The following COMMD7 variants were observed in gnomAD, a reference collection of about 807,000 sequenced individuals.
COMMD7 encodes COMM domain-containing protein 7.
COMMD7 carries 28 observed loss-of-function variants against 34.8 expected under a neutral mutation model. The ratio of observed to expected loss-of-function variants is 0.80; its 90% CI spans 0.60 to 1.10. COMMD7 has a LOEUF of 1.10. Ranked by LOEUF, COMMD7 falls within the 50% of genes least tolerant of loss-of-function variation. The pLI, the probability that COMMD7 is intolerant of heterozygous loss-of-function variation, is 0.00. For synonymous variants in COMMD7, 80 were observed against 86.4 expected, an observed-to-expected ratio of 0.93 and a Z score of 0.41; for missense variants, 211 against 241.6, an observed-to-expected ratio of 0.87 and a Z score of 0.84.
chr20:32,730,718 C>T (rs546228179), intron 1 of COMMD7, among the ~76,000 whole-genome samples: 3 of 152,032 alleles, frequency 2.0e-5, no homozygotes, highest in Admixed American at 6.6e-5. Context: ...CCAGTCCCCA[C>T]GAGGAAAACA....
chr20:32,704,556 C>T (rs1983948983), intron 6 of COMMD7, 67 bp from the exon 7 acceptor site: 2 of 1,524,398 alleles, frequency 1.3e-6, no homozygotes, highest in South Asian at 1.2e-5. Flanking sequence ...GAGGACTGAC[C>T]CTGAAGACCC....
chr20:32,706,609 C>A lies in COMMD7; in HGVS notation c.310G>T (p.Glu104Ter). ...TTTTCAGAAAAGTAAGTGGCTTTCT[C>A]CTCACTAAGACCTATAAGAGAACAG... The part of the protein sequence containing the change: ...ADFITLGLSE[E>*]KATYFSEKWK... The change falls in exon 5 of 9, where the codon GAG (glutamate) becomes TAG (stop). Residue 104 changes from glutamate to a stop codon, truncating the protein, a stop_gained. Transcript: ENST00000278980. LOFTEE classifies it high-confidence loss of function. 6.2e-7 allele frequency: 1 copy of A among 1,611,696 alleles called. No individual in the cohort carries two copies. The highest frequency in any genetic ancestry group is 1.1e-5 in the South Asian group (1 of 91,006).
intron 3 of COMMD7, among the ~76,000 whole-genome samples, chr20:32,716,943 G>A (rs917043598): frequency 2.0e-5 from 3 of 151,504 alleles, no homozygotes; most frequent in East Asian, 1.9e-4. Context: ...CCCGCCTCCC[G>A]GGTTCAGCCT....
chr20:32,738,979 G>A (rs1337446270), intron 1 of COMMD7, among the ~76,000 whole-genome samples: 2 of 152,134 alleles, frequency 1.3e-5, no homozygotes, highest in Non-Finnish European at 2.9e-5. Context: ...CTTTAAACAG[G>A]TCAATTTATT....
chr20:32,712,608 C>A (rs1568776620), intron 3 of COMMD7, among the ~76,000 whole-genome samples: 2 of 84,170 alleles, frequency 2.4e-5, no homozygotes, highest in Admixed American at 1.1e-4. Flanking sequence ...GTACCCCAGA[C>A]CTTTAAAAAA....
intron 3 of COMMD7, among the ~76,000 whole-genome samples, chr20:32,720,191 C>G (rs928180493): frequency 1.3e-5 from 2 of 152,148 alleles, no homozygotes; most frequent in African/African-American, 4.8e-5. Context: ...TTCTCTGTAT[C>G]TATAGAAAAT....
chr20:32,728,656 T>A (rs1364942796), intron 1 of COMMD7, among the ~76,000 whole-genome samples: 1 of 150,396 alleles, frequency 6.6e-6, no homozygotes, highest in East Asian at 2.0e-4. Context: ...AACCTCTGCC[T>A]CCTGGGCTCA....
At chr20:32,743,252 G>GCCCC in intron 1 of COMMD7, 56 bp downstream of exon 1, 1 of 642,180 alleles carries the variant, frequency 1.6e-6, no homozygotes, top group Non-Finnish European at 2.5e-6. Context: ...CCCACCCCAG[G>GCCCC]CCCGGATCCT....
At chr20:32,713,996 G>A (rs543455804) in intron 3 of COMMD7, among the ~76,000 whole-genome samples, 15 of 151,926 alleles carry the variant, frequency 9.9e-5, no homozygotes, top group African/African-American at 3.4e-4. Context: ...GCCTGTAATC[G>A]CAGCTACTTG....
At position 32,728,071 on chromosome 20, in the gene COMMD7, A is replaced by T; in HGVS notation, c.138+18T>A. 6.2e-7 allele frequency: 1 copy of T among 1,613,738 alleles called. No homozygotes were observed. The highest frequency in any genetic ancestry group is 8.5e-7 in the Non-Finnish European group (1 of 1,179,766). On this transcript the variant is annotated intron_variant, in intron 2 of 8. Coordinates refer to ENST00000278980, the MANE Select transcript of COMMD7 (RefSeq NM_053041.3). ...AGGGAGCACGGACCCACTCCCTAAC[A>T]CAGAATGTTTTATTTACCTCTTTTG...
intron 1 of COMMD7, 136 bp from the exon 2 acceptor site, chr20:32,728,278 G>T: frequency 2.7e-6 from 2 of 751,914 alleles, no homozygotes; most frequent in Non-Finnish European, 2.2e-6. Flanking sequence ...TCATCCTATA[G>T]TTACAAATGT....
chr20:32,706,862 A>T, intron 3 of COMMD7, 102 bp from the exon 4 acceptor site: 1 of 839,716 alleles, frequency 1.2e-6, no homozygotes, highest in Admixed American at 2.0e-5. Flanking sequence ...GACAAAAGGA[A>T]CACCCAAAGA....
intron 1 of COMMD7, among the ~76,000 whole-genome samples, chr20:32,741,395 G>GAT (rs1278682600): frequency 7.0e-6 from 1 of 143,272 alleles, no homozygotes; most frequent in Non-Finnish European, 1.5e-5. Flanking sequence ...CTAGAAAGTT[G>GAT]TTTTTTTTTT....
At chr20:32,725,728 G>A (rs928297589) in intron 3 of COMMD7, among the ~76,000 whole-genome samples, 1 of 151,874 alleles carries the variant, frequency 6.6e-6, no homozygotes, top group African/African-American at 2.4e-5. Flanking sequence ...ACACCTGGCC[G>A]CTCTGTACTG....
intron 3 of COMMD7, among the ~76,000 whole-genome samples, chr20:32,725,616 G>C (rs1985463658): frequency 6.6e-6 from 1 of 151,912 alleles, no homozygotes; most frequent in African/African-American, 2.4e-5. Flanking sequence ...TTTTAGTAGA[G>C]ACAGGGTTTC....
intron 3 of COMMD7, among the ~76,000 whole-genome samples, chr20:32,720,602 G>A (rs1696873170): frequency 6.6e-6 from 1 of 152,034 alleles, no homozygotes; most frequent in Non-Finnish European, 1.5e-5. Flanking sequence ...TTAAGCCCAA[G>A]AATCAAGACC....
chr20:32,715,796 G>A (rs1187650217), intron 3 of COMMD7, among the ~76,000 whole-genome samples: 2 of 152,132 alleles, frequency 1.3e-5, no homozygotes, highest in East Asian at 3.9e-4. Flanking sequence ...GACAGAGCGA[G>A]ATTCTGTCTC....
At chr20:32,737,685 A>T (rs1813047625) in intron 1 of COMMD7, among the ~76,000 whole-genome samples, 1 of 151,982 alleles carries the variant, frequency 6.6e-6, no homozygotes, top group Non-Finnish European at 1.5e-5. Context: ...TAAAAAATAA[A>T]AAATTAGCCT....
intron 3 of COMMD7, among the ~76,000 whole-genome samples, chr20:32,709,897 T>G (rs1158083711): frequency 6.6e-5 from 10 of 151,788 alleles, no homozygotes. Context: ...TACTTTTTTT[T>G]TTTTTTAATC....
Sources: allele counts gnomAD v4.1 joint callset (sites outside exome capture counted in the v4.1 genomes callset), GRCh38; gene constraint gnomAD v4.1.1; transcripts MANE v1.5; gene names NCBI Gene and HGNC (gene_info 2026-07-23, HGNC 2026-07-21).